THSD7B: variants seen among roughly 807,000 people sequenced by gnomAD.
THSD7B encodes the protein thrombospondin type 1 domain containing 7B.
Under a neutral mutation model 213.6 loss-of-function variants are expected in THSD7B, and 138 were observed. The ratio of observed to expected loss-of-function variants is 0.65; its 90% CI spans 0.56 to 0.74. The LOEUF is 0.74. Among genes scored for constraint, THSD7B ranks in the 30% least tolerant of loss-of-function variants. THSD7B has a pLI of 0.00. For missense variants in THSD7B, 1,931 were observed against 1,991.5 expected (o/e 0.97, Z 0.58); for synonymous variants, 742 against 687.0 (o/e 1.08, Z -1.25).
chr2:137,667,845 A>C lies in THSD7B; in HGVS notation c.4723A>C (p.Thr1575Pro). Residue 1575 changes from threonine (T) to proline (P), a missense_variant, in exon 27 of 28, where the codon ACT (threonine) becomes CCT (proline). Transcript: ENST00000409968. ...TCTCATCATGATTTTCCTAATATTT[A>C]CTTCCTACCTTGTTTGGTAAGTACT... is the stretch of plus-strand genomic sequence containing the variant. ...AFLIMIFLIF[T>P]SYLVCKKPKP... 6.3e-7 allele frequency: 1 copy of C among 1,595,342 alleles called. No individual in the cohort carries two copies.
intron 14 of THSD7B, among the ~76,000 whole-genome samples, chr2:137,414,473 C>G (rs766930339): frequency 5.3e-5 from 8 of 151,974 alleles, no homozygotes; most frequent in African/African-American, 1.9e-4. Flanking sequence ...AATCCCAGCA[C>G]TTTGGGAGGC....
intron 1 of THSD7B, among the ~76,000 whole-genome samples, chr2:136,874,842 T>C (rs982839140): frequency 6.6e-6 from 1 of 152,216 alleles, no homozygotes; most frequent in African/African-American, 2.4e-5. Flanking sequence ...CTTCATGATA[T>C]AAATTATTCA....
At chr2:136,963,839 A>G (rs1685271799) in intron 2 of THSD7B, among the ~76,000 whole-genome samples, 1 of 152,222 alleles carries the variant, frequency 6.6e-6, no homozygotes, top group South Asian at 2.1e-4. Flanking sequence ...TTTGAGCAGT[A>G]AATTATTCCT....
chr2:137,471,542 T>A lies in THSD7B; in HGVS notation c.3138+20519T>A, dbSNP rs916627741. Reference sequence around the variant, plus strand: ...TCCTACTCTGTCCCAGAAACCCCAATCTACTTGTATAAGTTCTGTCCACTG... The same window carrying A: ...TCCTACTCTGTCCCAGAAACCCCAAACTACTTGTATAAGTTCTGTCCACTG... On this transcript the variant is annotated intron_variant, in intron 15 of 27. Coordinates refer to ENST00000409968, the MANE Select transcript of THSD7B (RefSeq NM_001316349.2). Among the ~76,000 whole-genome samples the A allele has an allele frequency of 2.6e-5, 4 of 151,824 alleles. No homozygotes were observed. In the East Asian group the frequency reaches 7.9e-4, roughly 30 times the overall value.
At chr2:137,172,525 C>CTGCA (rs1680273223) in intron 7 of THSD7B, among the ~76,000 whole-genome samples, 1 of 152,186 alleles carries the variant, frequency 6.6e-6, no homozygotes, top group South Asian at 2.1e-4. Flanking sequence ...GATGGAAGCC[C>CTGCA]TGCACTCTGT....
intron 4 of THSD7B, among the ~76,000 whole-genome samples, chr2:137,101,102 C>G (rs1688141804): frequency 6.6e-6 from 1 of 152,172 alleles, no homozygotes; most frequent in Non-Finnish European, 1.5e-5. Context: ...GTGGCGTGAT[C>G]TCAGCTCACC....
At chr2:137,666,104 T>C (rs926873733) in intron 26 of THSD7B, among the ~76,000 whole-genome samples, 2 of 152,100 alleles carry the variant, frequency 1.3e-5, no homozygotes, top group African/African-American at 4.8e-5. Flanking sequence ...TTAGCCTATC[T>C]TTTTTTATGT....
At chr2:137,391,163 CTGTT>C (rs1427233275) in intron 12 of THSD7B, among the ~76,000 whole-genome samples, 1 of 152,090 alleles carries the variant, frequency 6.6e-6, no homozygotes. Context: ...TTCAGGATTT[CTGTT>C]TGTTCTTGGT....
chr2:136,906,238 C>T (rs1241017984), intron 2 of THSD7B, among the ~76,000 whole-genome samples: 1 of 152,128 alleles, frequency 6.6e-6, no homozygotes, highest in Non-Finnish European at 1.5e-5. Flanking sequence ...CAGCAGCAGA[C>T]AGATATTCTT....
At chr2:137,276,292 T>C (rs996247007) in intron 12 of THSD7B, among the ~76,000 whole-genome samples, 3 of 152,076 alleles carry the variant, frequency 2.0e-5, no homozygotes, top group African/African-American at 7.2e-5. Context: ...CCAATGCTCA[T>C]GTTCCAAATG....
chr2:137,105,774 A>G (rs565731665), intron 4 of THSD7B, among the ~76,000 whole-genome samples: 2 of 152,294 alleles, frequency 1.3e-5, no homozygotes, highest in East Asian at 3.9e-4. Flanking sequence ...CAGCCAAATC[A>G]TGAGTGAACT....
chr2:137,170,975 T>G, intron 7 of THSD7B, 37 bp downstream of exon 7: 1 of 1,603,702 alleles, frequency 6.2e-7, no homozygotes, highest in South Asian at 1.1e-5. Flanking sequence ...GTTAGGATGT[T>G]AAGTATCAGC....
At chr2:137,280,816 A>G (rs951638941) in intron 12 of THSD7B, among the ~76,000 whole-genome samples, 13 of 152,092 alleles carry the variant, frequency 8.5e-5, no homozygotes, top group Non-Finnish European at 1.5e-5. Flanking sequence ...CGTTAGTACT[A>G]AAAAAAGAGA....
At position 136,882,368 on chromosome 2, in the gene THSD7B, T is replaced by C. The variant is rs932006432; in HGVS notation, c.139+51T>C. The C allele has an allele frequency of 2.0e-5, 28 of 1,396,608 alleles. No homozygotes were observed. The Middle Eastern group carries it at 1.6e-3, about 82-fold the overall frequency. The allele number at this position is 1,396,608 out of a possible 1,614,324, so 86.5% of individuals were successfully genotyped here. ...GTCCTATTTTCATTAACAGGAAGAA[T>C]ATTCTTTCCATCCTTCTTCTTCTTC... On this transcript the variant is annotated intron_variant, in intron 2 of 27. Transcript: ENST00000409968.
intron 1 of THSD7B, among the ~76,000 whole-genome samples, chr2:136,868,578 TTAAA>T (rs1431001689): frequency 4.6e-5 from 7 of 152,228 alleles, no homozygotes; most frequent in Non-Finnish European, 8.8e-5. Flanking sequence ...TCTTTTGACA[TTAAA>T]TATTTAGAAT....
At chr2:137,478,144 G>A (rs960969220) in intron 15 of THSD7B, among the ~76,000 whole-genome samples, 10 of 151,944 alleles carry the variant, frequency 6.6e-5, no homozygotes, top group Non-Finnish European at 1.5e-4. Context: ...TCTTAGACTT[G>A]GGAAGTTTTC....
chr2:137,303,176 G>A (rs552042000), intron 12 of THSD7B, among the ~76,000 whole-genome samples: 16 of 152,166 alleles, frequency 1.1e-4, no homozygotes, highest in African/African-American at 2.4e-4. Context: ...GCCCACTGCC[G>A]CACATGGCTA....
chr2:136,953,998 T>G (rs1018165838), intron 2 of THSD7B, among the ~76,000 whole-genome samples: 1 of 152,228 alleles, frequency 6.6e-6, no homozygotes, highest in African/African-American at 2.4e-5. Context: ...TAGAGTCACA[T>G]TCTAGGTAAT....
intron 14 of THSD7B, among the ~76,000 whole-genome samples, chr2:137,432,661 C>T (rs191455607): frequency 1.3e-5 from 2 of 152,336 alleles, no homozygotes; most frequent in East Asian, 3.9e-4. Context: ...CCACACATTT[C>T]ATGTACCATG....
Sources: allele counts gnomAD v4.1 joint callset (sites outside exome capture counted in the v4.1 genomes callset), GRCh38; gene constraint gnomAD v4.1.1; transcripts MANE v1.5; gene names NCBI Gene and HGNC (gene_info 2026-07-23, HGNC 2026-07-21).